MSRA: variants seen among roughly 807,000 people sequenced by gnomAD.
MSRA encodes mitochondrial peptide methionine sulfoxide reductase.
A neutral mutation model predicts 31.3 loss-of-function variants in MSRA; 54 were observed. The observed-to-expected ratio is 1.73, with a 90% CI of 1.39 to 2.17. MSRA has a LOEUF of 2.17. Among genes scored for constraint, MSRA ranks in the 30% most tolerant of loss-of-function variants. MSRA has a pLI of 0.00. For synonymous variants in MSRA, 169 were observed against 116.5 expected (o/e 1.45, Z -2.90); for missense variants, 507 against 300.9 (o/e 1.69, Z -5.07).
chr8:10,314,716 C>T (rs1244239554), intron 4 of MSRA, among the ~76,000 whole-genome samples: 1 of 152,146 alleles, frequency 6.6e-6, no homozygotes, highest in Non-Finnish European at 1.5e-5. Flanking sequence ...TTCTTTACAG[C>T]CCCAGGCTGG....
At chr8:10,081,300 C>T (rs564855843) in intron 1 of MSRA, among the ~76,000 whole-genome samples, 14 of 152,346 alleles carry the variant, frequency 9.2e-5, no homozygotes, top group South Asian at 6.2e-4. Context: ...CTATAACCCA[C>T]GTGCCATTTG....
intron 5 of MSRA, among the ~76,000 whole-genome samples, chr8:10,392,789 GT>G (rs1319697185): frequency 3.4e-5 from 5 of 147,434 alleles, no homozygotes; most frequent in Non-Finnish European, 5.9e-5. Flanking sequence ...GCTCACGCCT[GT>G]AATCCCAGCA....
chr8:10,396,519 T>G (rs949308435), intron 5 of MSRA, among the ~76,000 whole-genome samples: 8 of 152,246 alleles, frequency 5.3e-5, no homozygotes, highest in Non-Finnish European at 1.0e-4. Context: ...ATTGTGATCC[T>G]GTGAAAGTGT....
intron 2 of MSRA, among the ~76,000 whole-genome samples, chr8:10,224,623 G>A (rs74636895): frequency 0.016 from 2,462 of 152,270 alleles, 79 homozygotes; most frequent in African/African-American, 0.056. Flanking sequence ...CCAGTGGACA[G>A]AGCTGAGAGT....
chr8:10,345,936 A>G (rs1408787087), intron 5 of MSRA, among the ~76,000 whole-genome samples: 1 of 152,220 alleles, frequency 6.6e-6, no homozygotes, highest in Non-Finnish European at 1.5e-5. Flanking sequence ...TCTCCTGGCA[A>G]CCTACTCTAA....
intron 1 of MSRA, among the ~76,000 whole-genome samples, chr8:10,128,775 G>C (rs1045350846): frequency 1.3e-5 from 2 of 152,120 alleles, no homozygotes; most frequent in African/African-American, 2.4e-5. Context: ...CTTCATCAGA[G>C]GTACTCTTCA....
At chr8:10,079,807 G>C (rs1798192156) in intron 1 of MSRA, among the ~76,000 whole-genome samples, 1 of 152,174 alleles carries the variant, frequency 6.6e-6, no homozygotes, top group Non-Finnish European at 1.5e-5. Flanking sequence ...TGGCCCCTGA[G>C]AGTGGGCTCA....
At chr8:10,184,771 A>G (rs150452055) in intron 1 of MSRA, among the ~76,000 whole-genome samples, 1 of 152,286 alleles carries the variant, frequency 6.6e-6, no homozygotes, top group South Asian at 2.1e-4. Context: ...GTTAGTTTAC[A>G]TGTCAAAGGA....
chr8:10,200,226 G>A (rs76185951), intron 1 of MSRA, among the ~76,000 whole-genome samples: 2,241 of 152,302 alleles, frequency 0.015, 60 homozygotes, highest in African/African-American at 0.051. Context: ...CGGGGAGGCC[G>A]TGGTCAGAGC....
chr8:10,304,019 T>A (rs1261930668), intron 4 of MSRA, among the ~76,000 whole-genome samples: 1 of 152,246 alleles, frequency 6.6e-6, no homozygotes, highest in East Asian at 1.9e-4. Context: ...CACTGAACCC[T>A]CCACCTCCCA....
chr8:10,270,312 C>T (rs541676981), intron 3 of MSRA, among the ~76,000 whole-genome samples: 1 of 150,978 alleles, frequency 6.6e-6, no homozygotes, highest in African/African-American at 2.4e-5. Flanking sequence ...AAATGCCATA[C>T]AAAAGAAAGG....
At chr8:10,336,500 T>C (rs1803055190) in intron 5 of MSRA, among the ~76,000 whole-genome samples, 1 of 152,056 alleles carries the variant, frequency 6.6e-6, no homozygotes, top group Admixed American at 6.6e-5. Context: ...TGAAAATTGC[T>C]GTATGGTTAT....
At chr8:10,095,988 T>C (rs1418146688) in intron 1 of MSRA, 1 of 1,437,878 alleles carries the variant, frequency 7.0e-7, no homozygotes, top group Non-Finnish European at 9.2e-7. Context: ...TGTTCATCAA[T>C]ACAAACCTGC....
Position 10,097,012 on chromosome 8 carries a change from T to C in MSRA, c.142+42354T>C, listed in dbSNP as rs539872768. ...AAGACTGCCCCTGGATCTGTGCTTT[T>C]GTTTGGAGTATGTAATCATTGATTT... On this transcript the variant is annotated intron_variant, in intron 1 of 5. Coordinates refer to ENST00000317173, the MANE Select transcript of MSRA (RefSeq NM_012331.5). Among the ~76,000 whole-genome samples, 11 of 152,358 alleles carry C rather than the reference T, an allele frequency of 7.2e-5. No homozygotes were observed. In the South Asian group the frequency reaches 2.1e-3, roughly 29 times the overall value.
intron 1 of MSRA, among the ~76,000 whole-genome samples, chr8:10,083,502 G>C (rs1248240564): frequency 1.3e-5 from 2 of 152,146 alleles, no homozygotes; most frequent in Non-Finnish European, 2.9e-5. Context: ...TGCACTTAAA[G>C]TTTTTCTCCA....
Position 10,428,372 on chromosome 8 carries a change from A to G in MSRA, c.*60A>G. The G allele has an allele frequency of 6.5e-7, 1 of 1,548,870 alleles. No individual in the cohort carries two copies. On this transcript the variant is annotated 3_prime_UTR_variant, in exon 6 of 6. Transcript: ENST00000317173. Reference sequence around the variant, plus strand: ...TAAAAATGCTTTCAACAAATTGGGCAATGCTTGTGTGATTCACAATCGTGG... The same window carrying G: ...TAAAAATGCTTTCAACAAATTGGGCGATGCTTGTGTGATTCACAATCGTGG...
At chr8:10,345,233 G>C (rs1803696375) in intron 5 of MSRA, among the ~76,000 whole-genome samples, 1 of 152,224 alleles carries the variant, frequency 6.6e-6, no homozygotes, top group Non-Finnish European at 1.5e-5. Flanking sequence ...GCCCCTCTTA[G>C]TGTAGATACC....
At chr8:10,359,117 A>G (rs1384350122) in intron 5 of MSRA, among the ~76,000 whole-genome samples, 1 of 151,986 alleles carries the variant, frequency 6.6e-6, no homozygotes, top group Non-Finnish European at 1.5e-5. Context: ...TGTAGTTTTG[A>G]TTTCTTTTAA....
At chr8:10,273,705 A>G (rs1321005324) in intron 3 of MSRA, among the ~76,000 whole-genome samples, 1 of 152,156 alleles carries the variant, frequency 6.6e-6, no homozygotes, top group Non-Finnish European at 1.5e-5. Flanking sequence ...ACCTTATGCT[A>G]TGTTTATGTT....
Sources: allele counts gnomAD v4.1 joint callset (sites outside exome capture counted in the v4.1 genomes callset), GRCh38; gene constraint gnomAD v4.1.1; transcripts MANE v1.5; gene names NCBI Gene and HGNC (gene_info 2026-07-23, HGNC 2026-07-21).